NEK8: variants seen among roughly 807,000 people sequenced by gnomAD.
The protein encoded by NEK8 is serine/threonine-protein kinase Nek8.
A neutral mutation model predicts 77.2 loss-of-function variants in NEK8; 51 were observed. The ratio of observed to expected loss-of-function variants is 0.66; its 90% CI spans 0.53 to 0.83. The LOEUF is 0.83. NEK8 is among the 40% of genes least tolerant of loss of function. The pLI is 0.00. For missense variants in NEK8, 787 were observed against 909.2 expected, an observed-to-expected ratio of 0.87 and a Z score of 1.73; for synonymous variants, 365 against 363.2, an observed-to-expected ratio of 1.00 and a Z score of -0.06.
chr17:28,734,403 C>T (rs549330024), intron 2 of NEK8: 1 of 604,252 alleles, frequency 1.7e-6, no homozygotes, highest in South Asian at 1.9e-5. Flanking sequence ...GGCACGGTGG[C>T]TCATGCCTGT....
chr17:28,737,599 C>T lies in NEK8; in HGVS notation c.828-76C>T, dbSNP rs1422439375. On this transcript the variant is annotated intron_variant, in intron 5 of 14. Coordinates refer to ENST00000268766, the MANE Select transcript of NEK8 (RefSeq NM_178170.3). The surrounding 1 kb of genome is among the most constrained non-coding windows in gnomAD (Gnocchi z 4.8). Reference sequence around the variant, plus strand: ...CAGGAGGTCTGAGGCAGAGGGAAACCTGGGGCAAGTCCTCCCTTCCTGCAT... The same window carrying T: ...CAGGAGGTCTGAGGCAGAGGGAAACTTGGGGCAAGTCCTCCCTTCCTGCAT... 6.2e-7 allele frequency: 1 copy of T among 1,613,834 alleles called. No homozygotes were observed. The highest frequency in any genetic ancestry group is 8.5e-7 in the Non-Finnish European group (1 of 1,179,820).
rs187208850 is a variant in NEK8 at position 28,734,804 on chromosome 17, T to C, written c.286T>C (p.Cys96Arg). ...GTLAEFIQKR[C>R]NSLLEEETIL... is the part of the protein sequence containing the mutation. ...TCTGGCTGAGTTCATCCAAAAGCGC[T>C]GTAATTCCCTGCTGGAGGAGGAGAC... Residue 96 changes from cysteine (C) to arginine (R), a missense_variant, in exon 3 of 15, where the codon TGT (cysteine) becomes CGT (arginine). Physicochemically the swap from Cys to Arg is radical, Grantham distance 180. Transcript: ENST00000268766. The C allele has an allele frequency of 4.2e-5, 67 of 1,613,826 alleles. No homozygotes were observed. In the East Asian group the frequency reaches 1.4e-3, roughly 33 times the overall value.
intron 2 of NEK8, 34 bp from the exon 3 acceptor site, chr17:28,734,738 A>G (rs2034345519): frequency 6.7e-7 from 1 of 1,483,374 alleles, no homozygotes; most frequent in Non-Finnish European, 9.4e-7. Flanking sequence ...AGGTGTGAGA[A>G]AGCCTGGATC....
At chr17:28,735,922 C>A (rs2034360893) in intron 4 of NEK8, among the ~76,000 whole-genome samples, 1 of 129,748 alleles carries the variant, frequency 7.7e-6, no homozygotes, top group Non-Finnish European at 1.6e-5. Flanking sequence ...GCTATCCCTT[C>A]CCCCTCCCCC....
intron 4 of NEK8, 79 bp downstream of exon 4, chr17:28,735,450 G>A (rs1738752796): frequency 1.3e-6 from 2 of 1,497,890 alleles, no homozygotes; most frequent in South Asian, 2.4e-5. Flanking sequence ...GCCACCTCAG[G>A]TTTCTCCTCT....
In NEK8 at chr17:28,737,604, G is replaced by A. The variant is rs1396025576; in HGVS notation, c.828-71G>A. 1.2e-6 allele frequency: 2 copies of A among 1,613,864 alleles called. No individual in the cohort carries two copies. Among genetic ancestry groups the A allele is most frequent in the Non-Finnish European group, 1.7e-6 (2 of 1,179,874 alleles). On this transcript the variant is annotated intron_variant, in intron 5 of 14. Coordinates refer to ENST00000268766, the MANE Select transcript of NEK8 (RefSeq NM_178170.3). The surrounding 1 kb of genome is among the most constrained non-coding windows in gnomAD (Gnocchi z 4.8). The stretch of plus-strand genomic sequence containing the variant: ...GGTCTGAGGCAGAGGGAAACCTGGG[G>A]CAAGTCCTCCCTTCCTGCATGTAGG...
intron 1 of NEK8, among the ~76,000 whole-genome samples, chr17:28,731,019 G>A (rs1567758178): frequency 6.6e-6 from 1 of 152,070 alleles, no homozygotes; most frequent in Non-Finnish European, 1.5e-5. Flanking sequence ...TTGGGAGGCC[G>A]AGGTGGTTGG....
chr17:28,738,104 C>T lies in NEK8; in HGVS notation c.1081C>T (p.Leu361=). 6.2e-7 allele frequency: 1 copy of T among 1,613,646 alleles called. No individual in the cohort carries two copies. Among genetic ancestry groups the T allele is most frequent in the South Asian group, 1.1e-5 (1 of 91,056 alleles). Reference sequence around the variant, plus strand: ...CCCCCTGCCCCTGCAGGCCCCACCCCTAGGTGCAGGCGGAGGCAGTCTCCT... The same window carrying T: ...CCCCCTGCCCCTGCAGGCCCCACCCTTAGGTGCAGGCGGAGGCAGTCTCCT... ...GRLILWEAPP[L]GAGGGSLLPG... is the part of the protein sequence containing the mutation. The change falls in exon 8 of 15, where the codon CTA becomes TTA. Residue 361 remains leucine (L), a synonymous_variant. Coordinates refer to ENST00000268766, the MANE Select transcript of NEK8 (RefSeq NM_178170.3).
rs765165873 is a variant in NEK8 at position 28,737,481 on chromosome 17, TC to T, written c.796del (p.His266ThrfsTer38). 6.2e-7 allele frequency: 1 copy of T among 1,612,932 alleles called. No homozygotes were observed. Among genetic ancestry groups the T allele is most frequent in the Non-Finnish European group, 8.5e-7 (1 of 1,179,966 alleles). Reference sequence around the variant, plus strand: ...CTCTGCATCCGTGCCCTCCTCAACCTCCACACCGACGTGGGCAGTGTCCGCA... The same window carrying T: ...CTCTGCATCCGTGCCCTCCTCAACCTCACACCGACGTGGGCAGTGTCCGCA... ...QPLCIRALLNLHTDVGSVRMR... is the reference protein window; with the variant it reads ...QPLCIRALLNXHTDVGSVRMR... On this transcript the variant is annotated frameshift_variant, in exon 5 of 15. Coordinates refer to ENST00000268766, the MANE Select transcript of NEK8 (RefSeq NM_178170.3). LOFTEE classifies it high-confidence loss of function. The surrounding 1 kb of genome is among the most constrained non-coding windows in gnomAD (Gnocchi z 4.8).
intron 2 of NEK8, chr17:28,734,460 G>A: frequency 1.8e-6 from 1 of 568,572 alleles, no homozygotes; most frequent in Non-Finnish European, 3.1e-6. Context: ...CGGATCATGA[G>A]GTCAGGAGAT....
In NEK8 at chr17:28,734,827, GA is replaced by G; in HGVS notation, c.310del (p.Thr104ProfsTer110). 1 of 1,613,862 alleles carries G rather than the reference GA, an allele frequency of 6.2e-7. No individual in the cohort carries two copies. The highest frequency in any genetic ancestry group is 8.5e-7 in the Non-Finnish European group (1 of 1,180,026). Reference sequence around the variant, plus strand: ...GCTGTAATTCCCTGCTGGAGGAGGAGACCATCCTGCACTTCTTCGTGCAGAT... The same window carrying G: ...GCTGTAATTCCCTGCTGGAGGAGGAGCCATCCTGCACTTCTTCGTGCAGAT... The part of the protein sequence containing the change: ...KRCNSLLEEE[T>X]ILHFFVQILL... On this transcript the variant is annotated frameshift_variant, in exon 3 of 15. Coordinates refer to ENST00000268766, the MANE Select transcript of NEK8 (RefSeq NM_178170.3). LOFTEE classifies it high-confidence loss of function.
chr17:28,737,718 A>G lies in NEK8; in HGVS notation c.871A>G (p.Thr291Ala). 1 of 1,614,146 alleles carries G rather than the reference A, an allele frequency of 6.2e-7. No individual in the cohort carries two copies. The highest frequency in any genetic ancestry group is 8.5e-7 in the Non-Finnish European group (1 of 1,180,016). ...CCCCAGCAACACAGGGAGCAGGACC[A>G]CCAGTGTCCGCTGCAGAGGTAAGTG... Reference protein sequence around the residue: ...VAPSNTGSRTTSVRCRGIPRG... With the variant: ...VAPSNTGSRTASVRCRGIPRG... The change falls in exon 6 of 15, where the codon ACC becomes GCC. Residue 291 changes from threonine to alanine, a missense_variant. This residue lies in a region of NEK8 where 516 missense variants were observed against 544.0 expected (regional missense o/e 0.95). Transcript: ENST00000268766. The surrounding 1 kb of genome is among the most constrained non-coding windows in gnomAD (Gnocchi z 4.8).
chr17:28,729,709 A>T (rs1194562634), intron 1 of NEK8, among the ~76,000 whole-genome samples: 1 of 151,784 alleles, frequency 6.6e-6, no homozygotes, highest in Non-Finnish European at 1.5e-5. Context: ...TGCCCAGCTA[A>T]TATTTTTTGT....
chr17:28,741,683 A>G lies in NEK8; in HGVS notation c.2050+112A>G, dbSNP rs2034424836. 1 of 1,345,314 alleles carries G rather than the reference A, an allele frequency of 7.4e-7. No individual in the cohort carries two copies. The highest frequency in any genetic ancestry group is 2.3e-5 in the East Asian group (1 of 43,652). The allele number at this position is 1,345,314 out of a possible 1,614,324, so 83.3% of individuals were successfully genotyped here. Reference sequence around the variant, plus strand: ...CACCAAAAGCATCTTTAGCCCCCAGATAAAAAAAGCAGAAGCTGCGGTTGA... The same window carrying G: ...CACCAAAAGCATCTTTAGCCCCCAGGTAAAAAAAGCAGAAGCTGCGGTTGA... On this transcript the variant is annotated intron_variant, in intron 14 of 14. Transcript: ENST00000268766. This position sits in a 1 kb window ranked among gnomAD's most constrained non-coding sequence, Gnocchi z 4.5.
chr17:28,737,968 G>A lies in NEK8; in HGVS notation c.1039G>A (p.Val347Ile), dbSNP rs372172665. 4.4e-5 allele frequency: 71 copies of A among 1,612,026 alleles called. 1 individual carries two copies. The highest frequency in any genetic ancestry group is 1.6e-4 in the South Asian group (15 of 91,036). ...AGCTGGGCGCACGCAGAAAGCCGGC[G>A]TCACGCGCTCTGGGCGTCTCATCCT... The part of the protein sequence containing the change: ...VAAGRTQKAG[V>I]TRSGRLILWE... The change falls in exon 7 of 15, where the codon GTC becomes ATC. Residue 347 changes from valine to isoleucine, a missense_variant. Physicochemically the swap from Val to Ile is conservative, Grantham distance 29. Around this residue, in one of 2 missense-constraint regions of NEK8, gnomAD observed 516 missense variants for 544.0 expected, o/e 0.95. Coordinates refer to ENST00000268766, the MANE Select transcript of NEK8 (RefSeq NM_178170.3). The surrounding 1 kb of genome is among the most constrained non-coding windows in gnomAD (Gnocchi z 4.8).
Position 28,737,795 on chromosome 17 carries a change from A to G in NEK8, c.890-24A>G, listed in dbSNP as rs768748168. 3 of 1,614,096 alleles carry G rather than the reference A, an allele frequency of 1.9e-6. No homozygotes were observed. Among genetic ancestry groups the G allele is most frequent in the Admixed American group, 3.3e-5 (2 of 60,020 alleles). ...GCCACACCATTCCCATCAGTTTAAT[A>G]GTCCCCATGCACTGTACCTGCAGGT... On this transcript the variant is annotated intron_variant, in intron 6 of 14. Coordinates refer to ENST00000268766, the MANE Select transcript of NEK8 (RefSeq NM_178170.3). This position sits in a 1 kb window ranked among gnomAD's most constrained non-coding sequence, Gnocchi z 4.8.
In NEK8 at chr17:28,738,125, C is replaced by G. The variant is rs752452156; in HGVS notation, c.1102C>G (p.Leu368Val). The change falls in exon 8 of 15, where the codon CTC becomes GTC. Residue 368 changes from leucine to valine, a missense_variant. Leu to Val is a conservative substitution (Grantham distance 32). Coordinates refer to ENST00000268766, the MANE Select transcript of NEK8 (RefSeq NM_178170.3). The part of the protein sequence containing the change: ...APPLGAGGGS[L>V]LPGAVEQPQP... ...ACCCCTAGGTGCAGGCGGAGGCAGTCTCCTTCCTGGGGCAGTGGAGCAGCC... is the reference window on the plus strand; with the variant it reads ...ACCCCTAGGTGCAGGCGGAGGCAGTGTCCTTCCTGGGGCAGTGGAGCAGCC... The G allele has an allele frequency of 2.5e-6, 4 of 1,613,974 alleles. No individual in the cohort carries two copies. Among genetic ancestry groups the G allele is most frequent in the Middle Eastern group, 3.3e-4 (2 of 6,056 alleles).
chr17:28,737,871 G>A lies in NEK8; in HGVS notation c.942G>A (p.Val314=), dbSNP rs1481770999. The A allele has an allele frequency of 1.2e-6, 2 of 1,613,950 alleles. No homozygotes were observed. Among genetic ancestry groups the A allele is most frequent in the South Asian group, 2.2e-5 (2 of 91,088 alleles). The change falls in exon 7 of 15, where the codon GTG becomes GTA. Residue 314 remains valine, a synonymous_variant. Transcript: ENST00000268766. This position sits in a 1 kb window ranked among gnomAD's most constrained non-coding sequence, Gnocchi z 4.8. ...RPAIPPPLSS[V]YAWGGGLGTP... is the part of the protein sequence containing the mutation. ...CCATCCCACCACCACTGTCGTCAGT[G>A]TATGCCTGGGGTGGTGGGCTGGGCA...
chr17:28,729,396 C>A (rs921181809), intron 1 of NEK8, among the ~76,000 whole-genome samples: 39 of 152,178 alleles, frequency 2.6e-4, no homozygotes, highest in Non-Finnish European at 4.9e-4. Context: ...CCCTCTGTCA[C>A]CCCGGCTGGA....
Sources: gnomAD v4.1 joint callset for allele counts (sites outside exome capture counted in the v4.1 genomes callset) on GRCh38, gnomAD v4.1.1 for gene constraint, gnomAD v4.1.1 regional missense constraint, Gnocchi (gnomAD v3.1) non-coding constraint, MANE v1.5 for transcripts, NCBI Gene and HGNC (gene_info 2026-07-23, HGNC 2026-07-21) for gene names.